The following CLEC16A variants were observed in gnomAD, a reference collection of about 807,000 sequenced individuals.
The protein encoded by CLEC16A is protein CLEC16A.
CLEC16A carries 51 observed loss-of-function variants against 109.5 expected under a neutral mutation model. That is an observed-to-expected ratio of 0.47 (90% CI 0.37 to 0.59). CLEC16A has a LOEUF of 0.59. CLEC16A is among the 20% of genes least tolerant of loss of function. The probability of loss-of-function intolerance (pLI) is 0.00; values close to 1 mark genes in which losing one functional copy is unlikely to be tolerated. For missense variants in CLEC16A, 1,339 were observed against 1,394.0 expected (o/e 0.96, Z 0.63); for synonymous variants, 673 against 564.2 (o/e 1.19, Z -2.73).
intron 10 of CLEC16A, among the ~76,000 whole-genome samples, chr16:10,995,110 C>G (rs1445633576): frequency 6.6e-6 from 1 of 152,234 alleles, no homozygotes; most frequent in East Asian, 1.9e-4. Flanking sequence ...GTGTTCAGAG[C>G]CATGCTGGGC....
At chr16:11,047,511 AAAT>A in intron 17 of CLEC16A, 169 bp downstream of exon 17, 1 of 447,646 alleles carries the variant, frequency 2.2e-6, no homozygotes. Flanking sequence ...ACCACTGTTA[AAAT>A]TTCAGACTAT....
At chr16:11,119,634 C>T (rs1032857450) in intron 19 of CLEC16A, among the ~76,000 whole-genome samples, 2 of 151,962 alleles carry the variant, frequency 1.3e-5, no homozygotes, top group Admixed American at 6.5e-5. Context: ...TGAAGCGATC[C>T]TCCCTCCTCG....
chr16:11,156,729 G>T, intron 22 of CLEC16A: 1 of 1,216,530 alleles, frequency 8.2e-7, no homozygotes, highest in Non-Finnish European at 1.1e-6. Flanking sequence ...CAGGGACTGG[G>T]TCCTTGGGAA....
At chr16:11,049,198 G>A (rs1287672141) in intron 17 of CLEC16A, among the ~76,000 whole-genome samples, 1 of 152,044 alleles carries the variant, frequency 6.6e-6, no homozygotes, top group Non-Finnish European at 1.5e-5. Flanking sequence ...AGTAGAGACG[G>A]GGTTTCACCA....
intron 19 of CLEC16A, among the ~76,000 whole-genome samples, chr16:11,076,423 G>T (rs1418303350): frequency 1.3e-5 from 2 of 152,078 alleles, no homozygotes; most frequent in Non-Finnish European, 2.9e-5. Context: ...TGGGGGGAGT[G>T]GGGTTGAGGA....
chr16:11,064,221 A>T (rs2048644068), intron 19 of CLEC16A, among the ~76,000 whole-genome samples: 1 of 152,222 alleles, frequency 6.6e-6, no homozygotes, highest in African/African-American at 2.4e-5. Context: ...ACCTCTCTCT[A>T]ACAGAGAAGG....
intron 13 of CLEC16A, among the ~76,000 whole-genome samples, chr16:11,032,100 T>C (rs746335779): frequency 7.9e-5 from 12 of 152,218 alleles, no homozygotes; most frequent in Non-Finnish European, 1.6e-4. Context: ...GCATGGACTC[T>C]GCCCGCAGGA....
At position 11,103,208 on chromosome 16, in the gene CLEC16A, T is replaced by TC. The variant is rs1380555749; in HGVS notation, c.2117-17401dup. ...GAATATGCTGGGGAGGAGCCAGCAGTCCCCCCAGAGAGGCCCAGTGGCGCT... is the reference window on the plus strand; with the variant it reads ...GAATATGCTGGGGAGGAGCCAGCAGTCCCCCCCAGAGAGGCCCAGTGGCGCT... On this transcript the variant is annotated intron_variant, in intron 19 of 23. Coordinates refer to ENST00000409790, the MANE Select transcript of CLEC16A (RefSeq NM_015226.3). Among the ~76,000 whole-genome samples the TC allele has an allele frequency of 2.0e-5, 3 of 152,246 alleles. No homozygotes were observed. In the East Asian group the frequency reaches 5.8e-4, roughly 29 times the overall value.
chr16:11,032,824 A>T (rs777469343), intron 13 of CLEC16A, among the ~76,000 whole-genome samples: 1 of 152,210 alleles, frequency 6.6e-6, no homozygotes, highest in Non-Finnish European at 1.5e-5. Context: ...CCAGGCGGGC[A>T]GGGGCCAGGT....
At chr16:10,957,736 A>G in intron 1 of CLEC16A, 46 bp from the exon 2 acceptor site, 1 of 1,608,626 alleles carries the variant, frequency 6.2e-7, no homozygotes, top group South Asian at 1.1e-5. Context: ...CTTGGCTTGC[A>G]TTTCAGTTGG....
chr16:11,050,394 T>C (rs759669664), intron 17 of CLEC16A, among the ~76,000 whole-genome samples: 3 of 152,224 alleles, frequency 2.0e-5, no homozygotes, highest in African/African-American at 4.8e-5. Context: ...CCCTGCCCTA[T>C]GTAGTCAGCT....
chr16:11,161,369 A>C (rs546484583), intron 22 of CLEC16A, among the ~76,000 whole-genome samples: 9 of 152,372 alleles, frequency 5.9e-5, no homozygotes, highest in African/African-American at 2.2e-4. Flanking sequence ...TGCGTGAGCC[A>C]TGAAGAATGG....
intron 1 of CLEC16A, among the ~76,000 whole-genome samples, chr16:10,948,382 G>A (rs8055533): frequency 0.34 from 51,848 of 152,036 alleles, 9,232 homozygotes; most frequent in South Asian, 0.45. Flanking sequence ...GTCTCTGTCT[G>A]CTGAACTGAG....
In CLEC16A at chr16:11,028,738, G is replaced by A. The variant is rs189277764; in HGVS notation, c.1537+3817G>A. 2.0e-4 allele frequency among the ~76,000 whole-genome samples: 31 copies of A among 152,276 alleles called. 1 individual carries two copies. The highest frequency in any genetic ancestry group is 7.5e-4 in the African/African-American group (31 of 41,564). ...CACCACTTAATCAGGAGATAGTACA[G>A]TTTCATTATCAGAAAAATATCCCTC... is the stretch of plus-strand genomic sequence containing the variant. On this transcript the variant is annotated intron_variant, in intron 13 of 23. Transcript: ENST00000409790.
rs2068263693 is a variant in CLEC16A, at chr16:11,166,431, C to G, written c.2685C>G (p.Ser895=). Residue 895 remains serine (S), a synonymous_variant, in exon 23 of 24, where the codon TCC becomes TCG. Coordinates refer to ENST00000409790, the MANE Select transcript of CLEC16A (RefSeq NM_015226.3). The stretch of plus-strand genomic sequence containing the variant: ...GCATAAACCAGCACAGCTCCCCGTC[C>G]CTGTCCTCACAGTCGCCACCCTCCG... ...AQCINQHSSP[S]LSSQSPPSAS... 1 of 1,606,752 alleles carries G rather than the reference C, an allele frequency of 6.2e-7. No homozygotes were observed. Among genetic ancestry groups the G allele is most frequent in the African/African-American group, 1.3e-5 (1 of 74,932 alleles).
chr16:10,957,993 G>T, intron 2 of CLEC16A, 83 bp downstream of exon 2: 1 of 1,356,406 alleles, frequency 7.4e-7, no homozygotes, highest in East Asian at 2.4e-5. Flanking sequence ...CATTCTGGAT[G>T]ATGTCAGGAT....
intron 18 of CLEC16A, among the ~76,000 whole-genome samples, chr16:11,052,814 C>T (rs1467219072): frequency 6.6e-6 from 1 of 152,208 alleles, no homozygotes; most frequent in Non-Finnish European, 1.5e-5. Flanking sequence ...GAGATCCCCC[C>T]GCACCCCTGA....
intron 10 of CLEC16A, among the ~76,000 whole-genome samples, chr16:10,995,143 A>G (rs1328639986): frequency 6.6e-6 from 1 of 152,256 alleles, no homozygotes; most frequent in Non-Finnish European, 1.5e-5. Context: ...TTCACTGAGT[A>G]TTCAGGATGG....
At chr16:11,147,613 G>A (rs1177950877) in intron 22 of CLEC16A, among the ~76,000 whole-genome samples, 2 of 152,176 alleles carry the variant, frequency 1.3e-5, no homozygotes, top group Non-Finnish European at 2.9e-5. Flanking sequence ...GGAGGTGGTT[G>A]CACAACTCTA....
Sources: allele counts gnomAD v4.1 joint callset (sites outside exome capture counted in the v4.1 genomes callset), GRCh38; gene constraint gnomAD v4.1.1; transcripts MANE v1.5; gene names NCBI Gene and HGNC (gene_info 2026-07-23, HGNC 2026-07-21).